The following CASP9 variants were observed in gnomAD, a reference collection of about 807,000 sequenced individuals.
The protein encoded by CASP9 is caspase-9.
Under a neutral mutation model 43.5 loss-of-function variants are expected in CASP9, and 29 were observed. That is an observed-to-expected ratio of 0.67 (90% CI 0.50 to 0.91). CASP9 has a LOEUF of 0.91. Among genes scored for constraint, CASP9 ranks in the 40% least tolerant of loss-of-function variants. The pLI is 0.00. For missense variants in CASP9, 575 were observed against 537.4 expected (o/e 1.07, Z -0.69); for synonymous variants, 206 against 211.9 (o/e 0.97, Z 0.24).
intron 2 of CASP9, among the ~76,000 whole-genome samples, chr1:15,517,016 C>T (rs754810061): frequency 1.3e-5 from 2 of 152,168 alleles, no homozygotes; most frequent in Non-Finnish European, 2.9e-5. Flanking sequence ...GTAAGCACTC[C>T]GAACGGTGCC....
At chr1:15,495,565 T>G in intron 6 of CASP9, 113 bp from the exon 7 acceptor site, 1 of 988,832 alleles carries the variant, frequency 1.0e-6, no homozygotes, top group Non-Finnish European at 1.4e-6. Context: ...GGAAAATAAA[T>G]CTTGGGACCC....
At chr1:15,520,128 A>G (rs1267923487) in intron 1 of CASP9, 1 of 97,150 alleles carries the variant, frequency 1.0e-5, no homozygotes. Context: ...ATCCACAGGG[A>G]TAAGATGGCA....
intron 6 of CASP9, among the ~76,000 whole-genome samples, chr1:15,501,312 T>C (rs1234121214): frequency 6.6e-6 from 1 of 152,182 alleles, no homozygotes; most frequent in Non-Finnish European, 1.5e-5. Flanking sequence ...TCAGCCCTGG[T>C]GCTGTTACCT....
Position 15,518,113 on chromosome 1 carries a change from C to G in CASP9, c.415G>C (p.Val139Leu), listed in dbSNP as rs748080349. 6 of 1,613,668 alleles carry G rather than the reference C, an allele frequency of 3.7e-6. No individual in the cohort carries two copies. In the African/African-American group the frequency reaches 6.7e-5, roughly 18 times the overall value. The change falls in exon 2 of 9, where the codon GTC becomes CTC. Residue 139 changes from valine (V) to leucine (L), a missense_variant. Val to Leu is a conservative substitution (Grantham distance 32). Coordinates refer to ENST00000333868, the MANE Select transcript of CASP9 (RefSeq NM_001229.5). ...CAATCACTCTCTTGCTACTTACCGA[C>G]ATCACCAAATCCTCCAGAACCAATG... ...VDIGSGGFGD[V>L]GALESLRGNA...
intron 1 of CASP9, chr1:15,519,955 G>A (rs1175394652): frequency 6.6e-6 from 1 of 152,000 alleles, no homozygotes; most frequent in African/African-American, 2.4e-5. Context: ...GCTGCAGTGA[G>A]CTGTGATAGC....
intron 6 of CASP9, among the ~76,000 whole-genome samples, chr1:15,495,696 T>A (rs973161434): frequency 1.3e-5 from 2 of 152,168 alleles, no homozygotes; most frequent in African/African-American, 4.8e-5. Context: ...TCTCCCATAT[T>A]TTGCCCACAA....
At chr1:15,495,212 G>T in intron 7 of CASP9, 61 bp downstream of exon 7, 1 of 1,478,276 alleles carries the variant, frequency 6.8e-7, no homozygotes, top group Non-Finnish European at 9.3e-7. Context: ...CCACACAGCT[G>T]CCTCTAGGGC....
At chr1:15,493,363 C>T in intron 8 of CASP9, 1 of 1,236,030 alleles carries the variant, frequency 8.1e-7, no homozygotes, top group Non-Finnish European at 1.0e-6. Flanking sequence ...CCCAAGGCAG[C>T]CACAAGGCCA....
Position 15,518,391 on chromosome 1 carries a change from G to T in CASP9, c.137C>A (p.Ala46Glu). Reference sequence around the variant, plus strand: ...CTGATCCCGCCGAGATCCAGAGCCTGCCCGCTGTTTGGAAAGAAAGGCAGG... The same window carrying T: ...CTGATCCCGCCGAGATCCAGAGCCTTCCCGCTGTTTGGAAAGAAAGGCAGG... ...RPHMIEDIQR[A>E]GSGSRRDQAR... Residue 46 changes from alanine to glutamate, a missense_variant, in exon 2 of 9, where the codon GCA (alanine) becomes GAA (glutamate). Ala to Glu is a moderately radical substitution (Grantham distance 107). Coordinates refer to ENST00000333868, the MANE Select transcript of CASP9 (RefSeq NM_001229.5). 6.2e-7 allele frequency: 1 copy of T among 1,608,526 alleles called. No homozygotes were observed. Among genetic ancestry groups the T allele is most frequent in the Non-Finnish European group, 8.5e-7 (1 of 1,176,218 alleles).
chr1:15,506,111 CA>C (rs1174166308), intron 4 of CASP9, 32 bp from the exon 5 acceptor site: 1 of 1,449,358 alleles, frequency 6.9e-7, no homozygotes, highest in Non-Finnish European at 9.7e-7. Flanking sequence ...GAGCCAGAAG[CA>C]CGGATAGGTC....
intron 4 of CASP9, 31 bp downstream of exon 4, chr1:15,506,868 C>T (rs1709543880): frequency 6.4e-7 from 1 of 1,566,868 alleles, no homozygotes; most frequent in African/African-American, 1.3e-5. Flanking sequence ...CTGCCCCCCA[C>T]CCTGTCTCCC....
chr1:15,496,788 G>A (rs1024765035), intron 6 of CASP9, among the ~76,000 whole-genome samples: 10 of 152,268 alleles, frequency 6.6e-5, no homozygotes, highest in Non-Finnish European at 1.2e-4. Flanking sequence ...CAACACTTTG[G>A]GAGGCTGAGG....
rs1211524119 is a variant in CASP9, at chr1:15,492,861, A to G, written c.*82T>C. 27 of 1,563,250 alleles carry G rather than the reference A, an allele frequency of 1.7e-5. No homozygotes were observed. Among genetic ancestry groups the G allele is most frequent in the South Asian group, 1.1e-4 (9 of 85,114 alleles). On this transcript the variant is annotated 3_prime_UTR_variant, in exon 9 of 9. Transcript: ENST00000333868. ...GGCTGCAAAGTCCTTGAGTTGCAGG[A>G]AAGTCCAGGCCTCAGCCTCTTTCAG...
At chr1:15,522,165 G>A (rs758641218) in intron 1 of CASP9, among the ~76,000 whole-genome samples, 7 of 152,206 alleles carry the variant, frequency 4.6e-5, no homozygotes, top group Non-Finnish European at 8.8e-5. Flanking sequence ...AAAAATTTCA[G>A]GGAAACTGAG....
intron 6 of CASP9, among the ~76,000 whole-genome samples, chr1:15,499,508 T>C (rs972252509): frequency 1.3e-5 from 2 of 152,234 alleles, no homozygotes; most frequent in African/African-American, 4.8e-5. Flanking sequence ...CACCAAGTCA[T>C]GGATAATGAA....
At chr1:15,494,862 C>CAAAAAA (rs563954013) in intron 7 of CASP9, among the ~76,000 whole-genome samples, 23 of 44,226 alleles carry the variant, frequency 5.2e-4, no homozygotes, top group African/African-American at 9.4e-4. Flanking sequence ...GATTCCATCT[C>CAAAAAA]AAAAAAAAAA....
chr1:15,492,782 G>C lies in CASP9; in HGVS notation c.*161C>G. On this transcript the variant is annotated 3_prime_UTR_variant, in exon 9 of 9. Coordinates refer to ENST00000333868, the MANE Select transcript of CASP9 (RefSeq NM_001229.5). Reference sequence around the variant, plus strand: ...ACTGTTCAGCACTTGTCGTCAATCTGGAAGCTGCTAAGAGCCTGTCTGTCA... The same window carrying C: ...ACTGTTCAGCACTTGTCGTCAATCTCGAAGCTGCTAAGAGCCTGTCTGTCA... 1 of 972,892 alleles carries C rather than the reference G, an allele frequency of 1.0e-6. No homozygotes were observed. Among genetic ancestry groups the C allele is most frequent in the Non-Finnish European group, 1.5e-6 (1 of 658,716 alleles). The allele number at this position is 972,892 out of a possible 1,614,324, so 60.3% of individuals were successfully genotyped here. A position where few individuals can be genotyped will look rare whatever the true frequency, so the allele number is the denominator to read the frequency against.
chr1:15,524,458 C>A, upstream of CASP9: 2 of 1,116,212 alleles, frequency 1.8e-6, no homozygotes, highest in Non-Finnish European at 2.3e-6. Context: ...CTCCCATCAC[C>A]GCGCCGCCCC....
chr1:15,494,087 G>C, intron 7 of CASP9, 86 bp from the exon 8 acceptor site: 5 of 1,510,202 alleles, frequency 3.3e-6, no homozygotes, highest in East Asian at 2.5e-5. Context: ...ACGCTGGCTC[G>C]GGCGCCCTCC....
Sources: gnomAD v4.1 joint callset for allele counts (sites outside exome capture counted in the v4.1 genomes callset) on GRCh38, gnomAD v4.1.1 for gene constraint, MANE v1.5 for transcripts, NCBI Gene and HGNC (gene_info 2026-07-23, HGNC 2026-07-21) for gene names.